Variants in XG observed in about 807,000 individuals in gnomAD.
XG encodes glycoprotein Xg.
In XG, 24 loss-of-function variants were observed where a neutral mutation model predicts 25.7. That is an observed-to-expected ratio of 0.93 (90% CI 0.68 to 1.31). The LOEUF is 1.31. Ranked by LOEUF, XG falls within the 40% of genes most tolerant of loss-of-function variation. The pLI, the probability that XG is intolerant of heterozygous loss-of-function variation, is 0.00. For synonymous variants in XG, 77 were observed against 69.2 expected (o/e 1.11, Z -0.56); for missense variants, 181 against 187.6 (o/e 0.96, Z 0.21).
chrX:2,763,653 G>A (rs1173308890), intron 1 of XG, among the ~76,000 whole-genome samples: 6 of 152,096 alleles, frequency 3.9e-5, no homozygotes, highest in African/African-American at 7.2e-5. Context: ...CAGGTATCCC[G>A]CCTTTTTAGA....
intron 4 of XG, among the ~76,000 whole-genome samples, chrX:2,783,749 C>T (rs1429514194): frequency 2.7e-5 from 3 of 112,775 alleles, no homozygotes; most frequent in Non-Finnish European, 3.8e-5. Flanking sequence ...CCGAGGCGGG[C>T]AGATCACCTG....
Position 2,752,048 on chromosome X carries a change from G to C in XG, c.-227G>C. ...GGGAGGCTGGCTCCGACACACGACT[G>C]AGTGTGCCTACACTGGTCCCACAGG... On this transcript the variant is annotated 5_prime_UTR_variant, in exon 1 of 11. Transcript: ENST00000644266. 1.7e-6 allele frequency: 1 copy of C among 601,354 alleles called. No individual in the cohort carries two copies. The highest frequency in any genetic ancestry group is 2.8e-6 in the Non-Finnish European group (1 of 355,142). The allele number at this position is 601,354 out of a possible 1,614,324, so 37.3% of individuals were successfully genotyped here.
chrX:2,761,779 G>A (rs1413531563), intron 1 of XG, among the ~76,000 whole-genome samples: 2 of 152,102 alleles, frequency 1.3e-5, no homozygotes, highest in Admixed American at 1.3e-4. Context: ...GGGAGAAGAC[G>A]GCATCTACAA....
At chrX:2,753,678 G>A (rs997081268) in intron 1 of XG, among the ~76,000 whole-genome samples, 96 of 151,704 alleles carry the variant, frequency 6.3e-4, no homozygotes, top group Non-Finnish European at 1.2e-3. Context: ...CACCTCCTAC[G>A]TTCAAGCAAT....
At chrX:2,780,425 T>TTAAAA (rs1556369958) in intron 3 of XG, among the ~76,000 whole-genome samples, 4 of 126,648 alleles carry the variant, frequency 3.2e-5, no homozygotes, top group African/African-American at 6.1e-5. Context: ...TTTTTTTTTC[T>TTAAAA]AAAAAAAAAA....
At chrX:2,764,893 T>G (rs1306546326) in intron 1 of XG, among the ~76,000 whole-genome samples, 1 of 149,784 alleles carries the variant, frequency 6.7e-6, no homozygotes, top group Non-Finnish European at 1.5e-5. Context: ...ACACAAAAAT[T>G]ACCTGGGCGT....
chrX:2,783,011 G>A (rs370406955), intron 4 of XG, among the ~76,000 whole-genome samples: 53 of 111,495 alleles, frequency 4.8e-4, no homozygotes, highest in South Asian at 3.1e-3. Flanking sequence ...AAGCAAGATG[G>A]AGTTGGTTAG....
At chrX:2,760,734 C>CAAAA (rs60707389) in intron 1 of XG, among the ~76,000 whole-genome samples, 1 of 67,824 alleles carries the variant, frequency 1.5e-5, no homozygotes, top group Non-Finnish European at 2.7e-5. Flanking sequence ...GGCTCTGTCT[C>CAAAA]AAAAAAAAAA....
In XG at chrX:2,797,354, A is replaced by C; in HGVS notation, c.367A>C (p.Thr123Pro). The change falls in exon 7 of 11, where the codon ACG becomes CCG. Residue 123 changes from threonine (T) to proline (P), a missense_variant. Physicochemically the swap from Thr to Pro is conservative, Grantham distance 38. Transcript: ENST00000644266. ...CTCCAGTTATGGCAACTCCGACAAC[A>C]CGCACGGTACCCCTACATCTGGGCA... The part of the protein sequence containing the change: ...GYSSYGNSDN[T>P]HGRGGYRLNS... The C allele has an allele frequency of 2.5e-6, 3 of 1,204,454 alleles. No individual in the cohort carries two copies. In the South Asian group the frequency reaches 5.3e-5, roughly 21 times the overall value.
intron 3 of XG, among the ~76,000 whole-genome samples, chrX:2,777,542 G>T (rs2051025866): frequency 6.6e-6 from 1 of 152,118 alleles, no homozygotes; most frequent in Non-Finnish European, 1.5e-5. Flanking sequence ...GCAGTGAGCT[G>T]AGATTGCGCC....
chrX:2,803,680 C>G (rs12857733), intron 7 of XG, among the ~76,000 whole-genome samples: 3 of 110,385 alleles, frequency 2.7e-5, no homozygotes, highest in Non-Finnish European at 3.8e-5. Flanking sequence ...ACCGGGCTGG[C>G]TGGTGTCAGC....
intron 7 of XG, among the ~76,000 whole-genome samples, chrX:2,804,372 C>G (rs2086973538): frequency 1.8e-5 from 2 of 112,105 alleles, no homozygotes; most frequent in African/African-American, 3.2e-5. Context: ...GCCTCTTTCA[C>G]TGTCATCATT....
At chrX:2,778,151 G>C (rs1219740686) in intron 3 of XG, among the ~76,000 whole-genome samples, 2 of 152,136 alleles carry the variant, frequency 1.3e-5, no homozygotes, top group African/African-American at 4.8e-5. Context: ...CTGCACCTCA[G>C]GTTAAGTTAA....
intron 1 of XG, among the ~76,000 whole-genome samples, chrX:2,755,522 G>A (rs28528743): frequency 0.047 from 7,153 of 152,114 alleles, 183 homozygotes; most frequent in Middle Eastern, 0.12. Context: ...ATCTTGTGCA[G>A]ACCTTCAGTC....
rs751421553 is a variant in XG at position 2,800,310 on chromosome X, C to CA, written c.373+2951dup. 2.1e-4 allele frequency among the ~76,000 whole-genome samples: 23 copies of CA among 111,159 alleles called. No homozygotes were observed. In the South Asian group the frequency reaches 7.7e-3, roughly 37 times the overall value. On this transcript the variant is annotated intron_variant, in intron 7 of 10. Transcript: ENST00000644266. Reference sequence around the variant, plus strand: ...TTTCTTTTCAGACCTGTAAAGGTGTCAGAGTCTCCGTTTCTCTCTCCTACA... The same window carrying CA: ...TTTCTTTTCAGACCTGTAAAGGTGTCAAGAGTCTCCGTTTCTCTCTCCTACA...
At chrX:2,776,358 C>A (rs1291369286) in intron 3 of XG, among the ~76,000 whole-genome samples, 28 of 152,132 alleles carry the variant, frequency 1.8e-4, no homozygotes, top group African/African-American at 6.8e-4. Flanking sequence ...GGTGCAGGGG[C>A]TTTAAGACTA....
chrX:2,774,803 A>G (rs2050939111), intron 3 of XG, 64 bp downstream of exon 3: 1 of 1,589,770 alleles, frequency 6.3e-7, no homozygotes, highest in African/African-American at 1.3e-5. Flanking sequence ...TACGGAGGGG[A>G]TGGTTGAGGA....
intron 1 of XG, among the ~76,000 whole-genome samples, chrX:2,764,778 T>C (rs5982849): frequency 0.16 from 23,869 of 151,948 alleles, 2,032 homozygotes; most frequent in African/African-American, 0.25. Flanking sequence ...CGGTGGCTCA[T>C]GCCTGTAATT....
chrX:2,805,373 G>T (rs1211106883), intron 7 of XG, among the ~76,000 whole-genome samples: 1 of 112,512 alleles, frequency 8.9e-6, no homozygotes, highest in Non-Finnish European at 1.9e-5. Context: ...CAGTCCTGGA[G>T]GCTGGAAGTC....
Sources: allele counts gnomAD v4.1 joint callset (sites outside exome capture counted in the v4.1 genomes callset), GRCh38; gene constraint gnomAD v4.1.1; transcripts MANE v1.5; gene names NCBI Gene and HGNC (gene_info 2026-07-23, HGNC 2026-07-21).